Variants in WDR25 observed in about 807,000 individuals in gnomAD.
WDR25 encodes WD repeat domain 25, also known as WD repeat-containing protein 25.
WDR25 carries 35 observed loss-of-function variants against 47.7 expected under a neutral mutation model. The ratio of observed to expected loss-of-function variants is 0.73; its 90% CI spans 0.56 to 0.97. WDR25 has a LOEUF of 0.97. WDR25 is among the 50% of genes least tolerant of loss of function. The pLI, the probability that WDR25 is intolerant of heterozygous loss-of-function variation, is 0.00. For missense variants in WDR25, 634 were observed against 704.7 expected (o/e 0.90, Z 1.14); for synonymous variants, 248 against 278.9 (o/e 0.89, Z 1.10).
intron 3 of WDR25, among the ~76,000 whole-genome samples, chr14:100,471,987 GT>G (rs1301406397): frequency 6.6e-6 from 1 of 152,202 alleles, no homozygotes; most frequent in Admixed American, 6.5e-5. Flanking sequence ...AGTGTCACCT[GT>G]CTTATGAGTC....
intron 1 of WDR25, chr14:100,376,749 G>A: frequency 8.1e-7 from 1 of 1,229,820 alleles, no homozygotes; most frequent in Non-Finnish European, 1.0e-6. Flanking sequence ...GCCTCCGGGG[G>A]GATCTGTGTT....
Position 100,529,482 on chromosome 14 carries a change from C to T in WDR25, c.1413+274C>T, listed in dbSNP as rs919899484. ...GGGGGCAGGAACAGGACAAAATGGT[C>T]ATGGGTGTCATTTCTGCATCCTTCC... On this transcript the variant is annotated intron_variant, in intron 6 of 6. Transcript: ENST00000402312. This position sits in a 1 kb window ranked among gnomAD's most constrained non-coding sequence, Gnocchi z 5.1. 1.7e-5 allele frequency: 10 copies of T among 594,918 alleles called. No homozygotes were observed. The highest frequency in any genetic ancestry group is 2.4e-5 in the Non-Finnish European group (8 of 336,968). The allele number at this position is 594,918 out of a possible 1,614,324, so 36.9% of individuals were successfully genotyped here. A position where few individuals can be genotyped will look rare whatever the true frequency, so the allele number is the denominator to read the frequency against.
In WDR25 at chr14:100,529,292, A is replaced by G. The variant is rs2030352569; in HGVS notation, c.1413+84A>G. Reference sequence around the variant, plus strand: ...GTCCTGGACATGGGCCCTGGGGTGCATGGAGCCTCTGTCTGGGTGGATCCT... The same window carrying G: ...GTCCTGGACATGGGCCCTGGGGTGCGTGGAGCCTCTGTCTGGGTGGATCCT... On this transcript the variant is annotated intron_variant, in intron 6 of 6. Coordinates refer to ENST00000402312, the MANE Select transcript of WDR25 (RefSeq NM_001161476.3). The surrounding 1 kb of genome is among the most constrained non-coding windows in gnomAD (Gnocchi z 5.1). 1 of 1,579,376 alleles carries G rather than the reference A, an allele frequency of 6.3e-7. No homozygotes were observed. The highest frequency in any genetic ancestry group is 8.6e-7 in the Non-Finnish European group (1 of 1,160,254).
rs113902153 is a variant in WDR25, at chr14:100,449,050, T to G, written c.823-18971T>G. ...GTGATGGGAGATGAGGCTGGGCAGG[T>G]GAGTGGGGCCTCCGGAGTCAGCCAC... On this transcript the variant is annotated intron_variant, in intron 2 of 6. Coordinates refer to ENST00000402312, the MANE Select transcript of WDR25 (RefSeq NM_001161476.3). This position sits in a 1 kb window ranked among gnomAD's most constrained non-coding sequence, Gnocchi z 4.2. Among the ~76,000 whole-genome samples the G allele has an allele frequency of 0.013, 2,022 of 152,090 alleles. 33 individuals are homozygous for G. Among genetic ancestry groups the G allele is most frequent in the African/African-American group, 0.043 (1,781 of 41,518 alleles).
chr14:100,512,641 A>T (rs958691081), intron 4 of WDR25, among the ~76,000 whole-genome samples: 35 of 151,764 alleles, frequency 2.3e-4, no homozygotes, highest in African/African-American at 8.0e-4. Context: ...CTTGAATTTA[A>T]TTTTCTTTTT....
chr14:100,397,238 G>A (rs1013897416), intron 2 of WDR25, among the ~76,000 whole-genome samples: 7 of 152,212 alleles, frequency 4.6e-5, no homozygotes, highest in African/African-American at 1.7e-4. Flanking sequence ...CAGCTTCTCG[G>A]TCGGAAGAGG....
Position 100,529,753 on chromosome 14 carries a change from T to C in WDR25, c.1414-67T>C, listed in dbSNP as rs2030383965. The C allele has an allele frequency of 5.2e-6, 8 of 1,530,754 alleles. No homozygotes were observed. The highest frequency in any genetic ancestry group is 3.6e-5 in the Admixed American group (2 of 56,006). 94.8% of individuals were successfully genotyped at this position (1,530,754 alleles called of 1,614,324 possible). Reference sequence around the variant, plus strand: ...CTCGGGGCTTCAGCCTGCTCCTCTGTAGAATGGGCATACTCACCCCGGCTT... The same window carrying C: ...CTCGGGGCTTCAGCCTGCTCCTCTGCAGAATGGGCATACTCACCCCGGCTT... On this transcript the variant is annotated intron_variant, in intron 6 of 6. Coordinates refer to ENST00000402312, the MANE Select transcript of WDR25 (RefSeq NM_001161476.3). This position sits in a 1 kb window ranked among gnomAD's most constrained non-coding sequence, Gnocchi z 5.1.
chr14:100,507,862 C>G (rs1345882734), intron 4 of WDR25, among the ~76,000 whole-genome samples: 1 of 152,076 alleles, frequency 6.6e-6, no homozygotes, highest in Non-Finnish European at 1.5e-5. Flanking sequence ...ATAATATCAT[C>G]TGTGAAGAGA....
rs116828085 is a variant in WDR25, at chr14:100,502,645, G to A, written c.1101+18521G>A. On this transcript the variant is annotated intron_variant, in intron 4 of 6. Transcript: ENST00000402312. This position sits in a 1 kb window ranked among gnomAD's most constrained non-coding sequence, Gnocchi z 4.5. ...GCATGGCCAAGTGGCCACGGCGTGG[G>A]GGAACATGAGGTCCCTCCCTGCATG... Among the ~76,000 whole-genome samples, 1,829 of 152,292 alleles carry A rather than the reference G, an allele frequency of 0.012. 35 individuals are homozygous for A. The highest frequency in any genetic ancestry group is 0.042 in the African/African-American group (1,726 of 41,556).
intron 2 of WDR25, among the ~76,000 whole-genome samples, chr14:100,401,985 G>GCTTTC (rs1220821328): frequency 6.6e-6 from 1 of 152,254 alleles, no homozygotes; most frequent in African/African-American, 2.4e-5. Context: ...AGTAGGAAGT[G>GCTTTC]CTGCAAAGCA....
At chr14:100,467,543 G>C (rs1899677147) in intron 2 of WDR25, among the ~76,000 whole-genome samples, 2 of 152,168 alleles carry the variant, frequency 1.3e-5, no homozygotes, top group Admixed American at 1.3e-4. Flanking sequence ...ACCCAGGTTG[G>C]AGGGCAGTGG....
intron 2 of WDR25, among the ~76,000 whole-genome samples, chr14:100,408,358 A>G (rs1174898425): frequency 1.3e-5 from 2 of 152,164 alleles, no homozygotes; most frequent in Admixed American, 6.5e-5. Context: ...AAACTCCTGT[A>G]TTTATTGAGA....
intron 2 of WDR25, chr14:100,382,084 C>G (rs1280610046): frequency 1.4e-6 from 1 of 702,834 alleles, no homozygotes; most frequent in Admixed American, 2.0e-5. Context: ...CTCGGTGACC[C>G]TGTGGAGCAT....
chr14:100,415,637 G>T (rs1284028547), intron 2 of WDR25, among the ~76,000 whole-genome samples: 1 of 152,192 alleles, frequency 6.6e-6, no homozygotes, highest in African/African-American at 2.4e-5. Flanking sequence ...TAAGATTGGG[G>T]CATCCTAATG....
chr14:100,433,015 G>C (rs1037851092), intron 2 of WDR25, among the ~76,000 whole-genome samples: 2 of 152,250 alleles, frequency 1.3e-5, no homozygotes, highest in Non-Finnish European at 1.5e-5. Flanking sequence ...AAGAGGTACA[G>C]TAAAAATACA....
At chr14:100,411,214 C>G (rs982190718) in intron 2 of WDR25, among the ~76,000 whole-genome samples, 2 of 152,166 alleles carry the variant, frequency 1.3e-5, no homozygotes, top group African/African-American at 4.8e-5. Flanking sequence ...TTGTGCTAGG[C>G]TCAGACCCCA....
chr14:100,420,269 C>T (rs1056761643), intron 2 of WDR25, among the ~76,000 whole-genome samples: 3 of 152,248 alleles, frequency 2.0e-5, no homozygotes, highest in Admixed American at 2.0e-4. Flanking sequence ...AGGCCCACAG[C>T]AAGTAACTTT....
chr14:100,464,279 A>G (rs915553235), intron 2 of WDR25, among the ~76,000 whole-genome samples: 2 of 152,108 alleles, frequency 1.3e-5, no homozygotes, highest in African/African-American at 4.8e-5. Flanking sequence ...GACTTCCTCC[A>G]AAGTCACCTC....
chr14:100,494,693 G>A (rs1159711703), intron 4 of WDR25, among the ~76,000 whole-genome samples: 1 of 152,212 alleles, frequency 6.6e-6, no homozygotes, highest in Non-Finnish European at 1.5e-5. Context: ...GAATGGGCTG[G>A]ACCTGGGTGT....
Sources: allele counts gnomAD v4.1 joint callset (sites outside exome capture counted in the v4.1 genomes callset), GRCh38; gene constraint gnomAD v4.1.1; non-coding constraint Gnocchi (gnomAD v3.1); transcripts MANE v1.5; gene names NCBI Gene and HGNC (gene_info 2026-07-23, HGNC 2026-07-21).